The following PCDHGA1 variants were observed in gnomAD, a reference collection of about 807,000 sequenced individuals.
PCDHGA1 encodes protocadherin gamma-A1.
Under a neutral mutation model 58.0 loss-of-function variants are expected in PCDHGA1, and 32 were observed. That is an observed-to-expected ratio of 0.55 (90% CI 0.42 to 0.74). PCDHGA1 has a LOEUF of 0.74. Ranked by LOEUF, PCDHGA1 falls within the 30% of genes least tolerant of loss-of-function variation. PCDHGA1 has a pLI of 0.00. For synonymous variants in PCDHGA1, 498 were observed against 501.1 expected, an observed-to-expected ratio of 0.99 and a Z score of 0.08; for missense variants, 1,205 against 1,182.3, an observed-to-expected ratio of 1.02 and a Z score of -0.28.
At chr5:141,394,591 C>A in intron 1 of PCDHGA1, 2 of 1,613,762 alleles carry the variant, frequency 1.2e-6, no homozygotes, top group Non-Finnish European at 1.7e-6. Context: ...AAGGTGGTGG[C>A]GGTGGACAGA....
chr5:141,429,651 C>G (rs62379161), intron 1 of PCDHGA1, among the ~76,000 whole-genome samples: 5,146 of 152,188 alleles, frequency 0.034, 101 homozygotes, highest in Middle Eastern at 0.088. Context: ...TATTTCTTCC[C>G]AATTTAAAAT....
rs972633773 is a variant in PCDHGA1, at chr5:141,489,751, A to T, written c.2422-5056A>T. ...GGGCACCAATACTGTGAGCTTTTAC[A>T]CTCTAAGCCCCAACAGCCACTTCTC... On this transcript the variant is annotated intron_variant, in intron 1 of 3. Coordinates refer to ENST00000517417, the MANE Select transcript of PCDHGA1 (RefSeq NM_018912.3). The surrounding 1 kb of genome is among the most constrained non-coding windows in gnomAD (Gnocchi z 4.5). The T allele has an allele frequency of 1.9e-6, 3 of 1,613,740 alleles. No individual in the cohort carries two copies. Among genetic ancestry groups the T allele is most frequent in the African/African-American group, 2.7e-5 (2 of 74,840 alleles).
intron 1 of PCDHGA1, among the ~76,000 whole-genome samples, chr5:141,466,916 GT>G (rs1204028461): frequency 6.6e-6 from 1 of 152,010 alleles, no homozygotes; most frequent in Non-Finnish European, 1.5e-5. Context: ...AAAACTCCTT[GT>G]ATTAGGAATA....
At chr5:141,418,594 C>A in intron 1 of PCDHGA1, 4 of 1,614,022 alleles carry the variant, frequency 2.5e-6, no homozygotes, top group Non-Finnish European at 3.4e-6. Context: ...TCAGCCAGGA[C>A]GTGTACAGGG....
At chr5:141,344,877 G>T in intron 1 of PCDHGA1, 1 of 1,613,902 alleles carries the variant, frequency 6.2e-7, no homozygotes, top group South Asian at 1.1e-5. Flanking sequence ...TTATATTCTA[G>T]ATAAAATGCC....
rs914988246 is a variant in PCDHGA1 at position 141,339,841 on chromosome 5, G to A, written c.2421+6736G>A. 2.7e-5 allele frequency: 43 copies of A among 1,614,016 alleles called. No homozygotes were observed. In the East Asian group the frequency reaches 9.6e-4, roughly 36 times the overall value. On this transcript the variant is annotated intron_variant, in intron 1 of 3. Transcript: ENST00000517417. ...AGAAAAGCCCTGGAGAAACCTCAGA[G>A]GTATTTGAGCTTAAGTCAACATCTG... is the stretch of plus-strand genomic sequence containing the variant.
At chr5:141,360,474 A>G (rs1207223799) in intron 1 of PCDHGA1, 1 of 1,613,864 alleles carries the variant, frequency 6.2e-7, no homozygotes, top group African/African-American at 1.3e-5. Context: ...CTGAAAATCC[A>G]CTAAATATTT....
intron 1 of PCDHGA1, chr5:141,361,337 A>G (rs1374845034): frequency 1.9e-6 from 3 of 1,613,878 alleles, no homozygotes; most frequent in South Asian, 1.1e-5. Flanking sequence ...TCAAAGAACT[A>G]TTACAAACTA....
intron 1 of PCDHGA1, chr5:141,428,344 G>C (rs970552377): frequency 8.4e-6 from 5 of 596,498 alleles, no homozygotes; most frequent in Non-Finnish European, 1.5e-5. Context: ...CTTCTTCCTC[G>C]CAGTGATTTT....
chr5:141,425,057 C>T (rs926732426), intron 1 of PCDHGA1, among the ~76,000 whole-genome samples: 4 of 152,026 alleles, frequency 2.6e-5, no homozygotes, highest in African/African-American at 4.8e-5. Flanking sequence ...ATCTAGGGCT[C>T]GGACAAAAAT....
chr5:141,421,847 C>G, intron 1 of PCDHGA1: 1 of 1,613,752 alleles, frequency 6.2e-7, no homozygotes, highest in Non-Finnish European at 8.5e-7. Flanking sequence ...GAGAAAGAGG[C>G]TGCTCACCTG....
Position 141,432,846 on chromosome 5 carries a change from C to T in PCDHGA1, c.2422-61961C>T, listed in dbSNP as rs1312403897. ...GACCTCACTCTGTACCTGGTGGTAGCGGTGGCCGCGGTCTCCTGCGTCTTC... is the reference window on the plus strand; with the variant it reads ...GACCTCACTCTGTACCTGGTGGTAGTGGTGGCCGCGGTCTCCTGCGTCTTC... On this transcript the variant is annotated intron_variant, in intron 1 of 3. Transcript: ENST00000517417. The surrounding 1 kb of genome is among the most constrained non-coding windows in gnomAD (Gnocchi z 6.0). 2.5e-6 allele frequency: 4 copies of T among 1,614,192 alleles called. No homozygotes were observed. The African/African-American group carries it at 5.3e-5, about 22-fold the overall frequency.
At chr5:141,339,413 C>G in intron 1 of PCDHGA1, 1 of 1,614,212 alleles carries the variant, frequency 6.2e-7, no homozygotes. Context: ...AACCACTACG[C>G]CAGGATTCCG....
intron 1 of PCDHGA1, among the ~76,000 whole-genome samples, chr5:141,461,433 C>A (rs183800312): frequency 1.3e-5 from 2 of 151,970 alleles, no homozygotes; most frequent in Non-Finnish European, 1.5e-5. Context: ...CATTTGTATA[C>A]CTTCTTTTGA....
At chr5:141,494,972 C>G in intron 2 of PCDHGA1, 107 bp downstream of exon 2, 1 of 1,581,852 alleles carries the variant, frequency 6.3e-7, no homozygotes, top group Non-Finnish European at 8.6e-7. Context: ...TGGCTTCTCC[C>G]TCAGTTTGAG....
At chr5:141,359,957 A>G (rs1191685294) in intron 1 of PCDHGA1, 4 of 582,164 alleles carry the variant, frequency 6.9e-6, no homozygotes, top group Non-Finnish European at 1.1e-5. Flanking sequence ...CAAAAGAACG[A>G]AGAGAAGCGT....
chr5:141,468,463 T>G (rs574151637), intron 1 of PCDHGA1: 6 of 152,282 alleles, frequency 3.9e-5, no homozygotes, highest in African/African-American at 1.4e-4. Flanking sequence ...AGCAAGTTAT[T>G]TCTGAGGAGA....
chr5:141,347,027 C>T (rs1757847574), intron 1 of PCDHGA1, among the ~76,000 whole-genome samples: 2 of 149,848 alleles, frequency 1.3e-5, no homozygotes, highest in African/African-American at 4.9e-5. Flanking sequence ...CTCTTTCCTC[C>T]TTCCTTCCTT....
intron 1 of PCDHGA1, chr5:141,370,610 G>T (rs547118708): frequency 1.9e-6 from 3 of 1,613,986 alleles, no homozygotes; most frequent in Middle Eastern, 1.6e-4. Context: ...TTGCAGAGAA[G>T]AAATTCTTTA....
Sources: allele counts gnomAD v4.1 joint callset (sites outside exome capture counted in the v4.1 genomes callset), GRCh38; gene constraint gnomAD v4.1.1; non-coding constraint Gnocchi (gnomAD v3.1); transcripts MANE v1.5; gene names NCBI Gene and HGNC (gene_info 2026-07-23, HGNC 2026-07-21).